The following CHST9 variants were observed in gnomAD, a reference collection of about 807,000 sequenced individuals.
The protein encoded by CHST9 is GalNAc-4-sulfotransferase 2.
Under a neutral mutation model 44.4 loss-of-function variants are expected in CHST9, and 41 were observed. The ratio of observed to expected loss-of-function variants is 0.92; its 90% CI spans 0.72 to 1.20. CHST9 has a LOEUF of 1.20. CHST9 is among the 50% of genes most tolerant of loss of function. The pLI is 0.00. For synonymous variants in CHST9, 171 were observed against 178.4 expected (o/e 0.96, Z 0.33); for missense variants, 504 against 516.5 (o/e 0.98, Z 0.23).
chr18:27,007,878 G>A (rs186554092), intron 4 of CHST9, among the ~76,000 whole-genome samples: 1 of 152,292 alleles, frequency 6.6e-6, no homozygotes, highest in East Asian at 1.9e-4. Context: ...GCATGGCTAA[G>A]GAAAAGAGCT....
rs2143870342 is a variant in CHST9 at position 27,142,828 on chromosome 18, C to G, written c.-19G>C. The G allele has an allele frequency of 6.3e-7, 1 of 1,587,116 alleles. No homozygotes were observed. Among genetic ancestry groups the G allele is most frequent in the South Asian group, 1.2e-5 (1 of 84,230 alleles). The stretch of plus-strand genomic sequence containing the variant: ...GCTGCATTTCTCCTTATTTCAGAAT[C>G]TGAAGACCACATGATTTGTTTTCCC... On this transcript the variant is annotated 5_prime_UTR_variant, in exon 2 of 6. Transcript: ENST00000618847.
intron 4 of CHST9, among the ~76,000 whole-genome samples, chr18:27,002,505 C>T (rs2056966133): frequency 6.6e-6 from 1 of 152,096 alleles, no homozygotes; most frequent in Admixed American, 6.6e-5. Context: ...CTCATGTAAC[C>T]ATTCTGTTTT....
chr18:27,172,690 A>T lies in CHST9; in HGVS notation c.-97+12446T>A, dbSNP rs114365557. Among the ~76,000 whole-genome samples the T allele has an allele frequency of 7.4e-3, 1,123 of 152,148 alleles. 17 individuals carry two copies. Among genetic ancestry groups the T allele is most frequent in the African/African-American group, 0.026 (1,080 of 41,538 alleles). The stretch of plus-strand genomic sequence containing the variant: ...TAACCTCAAGATAGTGTAGGCTGGC[A>T]GTATCAAGAGACCAGTTCTTTCTGA... On this transcript the variant is annotated intron_variant, in intron 1 of 5. Coordinates refer to ENST00000618847, the MANE Select transcript of CHST9 (RefSeq NM_031422.6).
At chr18:27,179,098 C>CTATA (rs1432534412) in intron 1 of CHST9, among the ~76,000 whole-genome samples, 6 of 124,952 alleles carry the variant, frequency 4.8e-5, no homozygotes, top group African/African-American at 1.9e-4. Flanking sequence ...CTCTCTCTCT[C>CTATA]TCTCTCTATA....
chr18:27,100,789 T>C (rs1310060091), intron 2 of CHST9, among the ~76,000 whole-genome samples: 2 of 152,242 alleles, frequency 1.3e-5, no homozygotes, highest in Admixed American at 6.5e-5. Flanking sequence ...TGGCCTCAAA[T>C]ATGTTTGTCA....
chr18:26,913,440 A>G lies in CHST9; in HGVS notation c.*2819T>C, dbSNP rs188018445. The stretch of plus-strand genomic sequence containing the variant: ...AAGTTTATGGCAGTTTCTGGGCACA[A>G]TCACATCAATATTGCACATCTATAG... On this transcript the variant is annotated 3_prime_UTR_variant, in exon 6 of 6. Transcript: ENST00000618847. The G allele has an allele frequency of 3.9e-5, 6 of 152,318 alleles. No individual in the cohort carries two copies. Among genetic ancestry groups the G allele is most frequent in the Admixed American group, 1.3e-4 (2 of 15,300 alleles). 9.4% of individuals were successfully genotyped at this position (152,318 alleles called of 1,614,324 possible).
rs913753003 is a variant in CHST9 at position 26,915,919 on chromosome 18, A to G, written c.*340T>C. 1 of 193,220 alleles carries G rather than the reference A, an allele frequency of 5.2e-6. No individual in the cohort carries two copies. Among genetic ancestry groups the G allele is most frequent in the African/African-American group, 2.4e-5 (1 of 42,284 alleles). 12.0% of individuals were successfully genotyped at this position (193,220 alleles called of 1,614,324 possible). On this transcript the variant is annotated 3_prime_UTR_variant, in exon 6 of 6. Coordinates refer to ENST00000618847, the MANE Select transcript of CHST9 (RefSeq NM_031422.6). The stretch of plus-strand genomic sequence containing the variant: ...ACAATAAATTTCAGGATATAGACAT[A>G]CACTCATGCTATTTGAGATCCTTTT...
intron 2 of CHST9, among the ~76,000 whole-genome samples, chr18:27,119,821 A>G (rs2058359597): frequency 6.6e-6 from 1 of 152,176 alleles, no homozygotes; most frequent in African/African-American, 2.4e-5. Context: ...CATTCACTCA[A>G]CAGAGAATGA....
rs548772443 is a variant in CHST9 at position 27,055,144 on chromosome 18, A to T, written c.122-6641T>A. Among the ~76,000 whole-genome samples the T allele has an allele frequency of 3.9e-5, 6 of 152,250 alleles. No homozygotes were observed. In the South Asian group the frequency reaches 1.2e-3, roughly 32 times the overall value. On this transcript the variant is annotated intron_variant, in intron 2 of 5. Transcript: ENST00000618847. ...GTTGCTAGGATACCTGAGAATGTTC[A>T]TTTATGTCTGATGTTTCTTTGGCAA...
intron 3 of CHST9, among the ~76,000 whole-genome samples, chr18:27,034,347 A>G (rs1466473138): frequency 6.6e-6 from 1 of 152,208 alleles, no homozygotes; most frequent in Middle Eastern, 3.4e-3. Flanking sequence ...ATTTCTACTG[A>G]AACCACCTTG....
intron 3 of CHST9, among the ~76,000 whole-genome samples, chr18:27,042,124 T>G (rs1598663891): frequency 6.6e-6 from 1 of 152,114 alleles, no homozygotes; most frequent in East Asian, 1.9e-4. Context: ...GAGACTTTGT[T>G]TATACCAACC....
At chr18:26,925,315 G>A (rs952048145) in intron 5 of CHST9, among the ~76,000 whole-genome samples, 8 of 149,124 alleles carry the variant, frequency 5.4e-5, no homozygotes, top group Non-Finnish European at 1.2e-4. Context: ...TAGGGGGCAT[G>A]GAGCAAGCTG....
intron 4 of CHST9, among the ~76,000 whole-genome samples, chr18:26,951,373 A>C (rs2056245515): frequency 6.6e-6 from 1 of 152,218 alleles, no homozygotes; most frequent in African/African-American, 2.4e-5. Flanking sequence ...CTGCCTAAAC[A>C]GTTTAAAGCA....
intron 1 of CHST9, among the ~76,000 whole-genome samples, chr18:27,159,425 G>A (rs2058726966): frequency 6.6e-6 from 1 of 152,110 alleles, no homozygotes; most frequent in Non-Finnish European, 1.5e-5. Flanking sequence ...TTGTAGATAT[G>A]TGGCATTATT....
intron 2 of CHST9, among the ~76,000 whole-genome samples, chr18:27,082,481 C>T (rs2057970282): frequency 6.6e-6 from 1 of 152,142 alleles, no homozygotes; most frequent in Non-Finnish European, 1.5e-5. Flanking sequence ...ATCCACCTGG[C>T]CCATCAATCT....
chr18:26,921,075 G>C (rs2145058132), intron 5 of CHST9, among the ~76,000 whole-genome samples: 1 of 152,224 alleles, frequency 6.6e-6, no homozygotes, highest in Non-Finnish European at 1.5e-5. Context: ...TATAAGAAAG[G>C]AAAGTATAAA....
At chr18:26,938,622 A>C (rs904733361) in intron 5 of CHST9, among the ~76,000 whole-genome samples, 4 of 152,230 alleles carry the variant, frequency 2.6e-5, no homozygotes, top group African/African-American at 9.6e-5. Context: ...AAAAGTCATC[A>C]GTGAGTGGCA....
chr18:26,928,717 CT>C (rs1465057808), intron 5 of CHST9, among the ~76,000 whole-genome samples: 6 of 152,162 alleles, frequency 3.9e-5, no homozygotes, highest in Admixed American at 6.5e-5. Flanking sequence ...TAGAGCATAT[CT>C]CCCCAGAGTT....
chr18:27,037,673 A>G (rs932334582), intron 3 of CHST9, among the ~76,000 whole-genome samples: 1 of 152,180 alleles, frequency 6.6e-6, no homozygotes, highest in Admixed American at 6.5e-5. Context: ...AGCCTGAGCA[A>G]CTGAGTGCAG....
Sources: allele counts gnomAD v4.1 joint callset (sites outside exome capture counted in the v4.1 genomes callset), GRCh38; gene constraint gnomAD v4.1.1; transcripts MANE v1.5; gene names NCBI Gene and HGNC (gene_info 2026-07-23, HGNC 2026-07-21).